The following SPECC1 variants were observed in gnomAD, a reference collection of about 807,000 sequenced individuals.
SPECC1 encodes cytospin-B.
A neutral mutation model predicts 104.1 loss-of-function variants in SPECC1; 62 were observed. The ratio of observed to expected loss-of-function variants is 0.60; its 90% CI spans 0.49 to 0.74. The LOEUF (loss-of-function observed/expected upper bound fraction) is 0.74, where lower values mean the gene tolerates loss of function less well. Among genes scored for constraint, SPECC1 ranks in the 30% least tolerant of loss-of-function variants. SPECC1 has a pLI of 0.00. For synonymous variants in SPECC1, 513 were observed against 501.6 expected (o/e 1.02, Z -0.30); for missense variants, 1,306 against 1,310.5 (o/e 1.00, Z 0.05).
intron 2 of SPECC1, among the ~76,000 whole-genome samples, chr17:20,106,090 A>G (rs2048184174): frequency 6.6e-6 from 1 of 152,192 alleles, no homozygotes; most frequent in African/African-American, 2.4e-5. Flanking sequence ...TCCACCGTGT[A>G]TGGCTTGCGT....
At chr17:20,053,273 C>G (rs560505096) in intron 1 of SPECC1, among the ~76,000 whole-genome samples, 2 of 152,298 alleles carry the variant, frequency 1.3e-5, no homozygotes, top group South Asian at 2.1e-4. Flanking sequence ...CTCCTTAATT[C>G]TGTGATCTTC....
rs138097559 is a variant in SPECC1, at chr17:20,191,216, T to G, written c.284-13117T>G. 5.0e-3 allele frequency among the ~76,000 whole-genome samples: 766 copies of G among 152,276 alleles called. 7 individuals are homozygous for G. Among genetic ancestry groups the G allele is most frequent in the African/African-American group, 0.018 (740 of 41,564 alleles). Reference sequence around the variant, plus strand: ...ATGTGCAGGTTTTTGTGTGGACATATGTTTTTGACTCATTTGGCTAAATAC... The same window carrying G: ...ATGTGCAGGTTTTTGTGTGGACATAGGTTTTTGACTCATTTGGCTAAATAC... On this transcript the variant is annotated intron_variant, in intron 3 of 14. Transcript: ENST00000395527.
At chr17:20,207,552 G>A (rs958378587) in intron 4 of SPECC1, among the ~76,000 whole-genome samples, 4 of 152,100 alleles carry the variant, frequency 2.6e-5, no homozygotes, top group African/African-American at 9.7e-5. Context: ...CATTAAATGT[G>A]CATATCAGTG....
intron 1 of SPECC1, among the ~76,000 whole-genome samples, chr17:20,022,973 C>T (rs2044454109): frequency 6.6e-6 from 1 of 152,158 alleles, no homozygotes; most frequent in South Asian, 2.1e-4. Context: ...AGTAATGATT[C>T]ATTCTTTTCA....
At chr17:20,278,400 G>A (rs967614702) in intron 12 of SPECC1, among the ~76,000 whole-genome samples, 7 of 152,280 alleles carry the variant, frequency 4.6e-5, no homozygotes, top group African/African-American at 9.6e-5. Context: ...TGTGGTGGCC[G>A]GGGGCTGAGA....
At chr17:20,301,823 A>G (rs2041595783) in intron 13 of SPECC1, among the ~76,000 whole-genome samples, 1 of 152,016 alleles carries the variant, frequency 6.6e-6, no homozygotes, top group Admixed American at 6.6e-5. Flanking sequence ...CTCCTGCCTC[A>G]ACCTCTCGAG....
intron 1 of SPECC1, among the ~76,000 whole-genome samples, chr17:20,055,291 A>T (rs748267343): frequency 1.9e-4 from 29 of 151,000 alleles, no homozygotes; most frequent in Non-Finnish European, 3.8e-4. Context: ...GCTGAATAGT[A>T]CTCCATGGTA....
chr17:20,026,384 CTA>C (rs2044600844), intron 1 of SPECC1, among the ~76,000 whole-genome samples: 1 of 152,110 alleles, frequency 6.6e-6, no homozygotes, highest in South Asian at 2.1e-4. Flanking sequence ...TTATTGGTAA[CTA>C]TACTCGCCCT....
chr17:20,196,695 A>G (rs2036058288), intron 3 of SPECC1, among the ~76,000 whole-genome samples: 1 of 149,688 alleles, frequency 6.7e-6, no homozygotes, highest in Non-Finnish European at 1.5e-5. Context: ...ATCTTTCTTT[A>G]TAATCATCTT....
chr17:20,012,377 G>A (rs948069763), intron 1 of SPECC1, among the ~76,000 whole-genome samples: 2 of 151,684 alleles, frequency 1.3e-5, no homozygotes, highest in African/African-American at 4.8e-5. Flanking sequence ...TCTTGTAGGG[G>A]TTTTTGTACT....
chr17:20,309,721 A>G (rs1286776222), intron 14 of SPECC1, among the ~76,000 whole-genome samples: 1 of 152,036 alleles, frequency 6.6e-6, no homozygotes, highest in Non-Finnish European at 1.5e-5. Context: ...GCTGCAAAGG[A>G]CATGATTTTG....
chr17:20,060,285 A>G lies in SPECC1; in HGVS notation c.-21-36346A>G, dbSNP rs2046135347. On this transcript the variant is annotated intron_variant, in intron 1 of 14. Transcript: ENST00000395527. ...ACTTGGTTGGTTTACTAAAGAGACC[A>G]TCAAACTTTGAAAGTGACATGGAAA... Among the ~76,000 whole-genome samples the G allele has an allele frequency of 2.0e-5, 3 of 152,226 alleles. No homozygotes were observed. The South Asian group carries it at 6.2e-4, about 31-fold the overall frequency.
intron 3 of SPECC1, among the ~76,000 whole-genome samples, chr17:20,152,460 T>C (rs2032095811): frequency 7.5e-6 from 1 of 133,694 alleles, no homozygotes. Context: ...TCAGCTGCCA[T>C]AACCAATTGC....
At chr17:20,160,298 A>G (rs754396488) in intron 3 of SPECC1, among the ~76,000 whole-genome samples, 2 of 152,176 alleles carry the variant, frequency 1.3e-5, no homozygotes, top group African/African-American at 2.4e-5. Flanking sequence ...CCTCTTCAGC[A>G]TATGGCTCCC....
chr17:20,053,722 T>G (rs1328346776), intron 1 of SPECC1, among the ~76,000 whole-genome samples: 2 of 152,194 alleles, frequency 1.3e-5, no homozygotes, highest in African/African-American at 2.4e-5. Context: ...TCCTTGGAAG[T>G]GGACCCTCCG....
At chr17:20,292,674 C>G (rs1487844553) in intron 12 of SPECC1, among the ~76,000 whole-genome samples, 1 of 152,134 alleles carries the variant, frequency 6.6e-6, no homozygotes, top group Non-Finnish European at 1.5e-5. Context: ...AGGTAGCTGT[C>G]GAACCCAAAG....
At chr17:20,048,628 C>A (rs1011417050) in intron 1 of SPECC1, among the ~76,000 whole-genome samples, 1 of 152,034 alleles carries the variant, frequency 6.6e-6, no homozygotes, top group African/African-American at 2.4e-5. Context: ...TTCCCAGGGC[C>A]AGGCGCGGTG....
intron 3 of SPECC1, among the ~76,000 whole-genome samples, chr17:20,124,951 TGG>T (rs2049214531): frequency 2.0e-5 from 3 of 151,996 alleles, no homozygotes; most frequent in African/African-American, 7.3e-5. Flanking sequence ...GAGGCCGAGG[TGG>T]GCGGATCACG....
chr17:20,306,198 C>G, intron 14 of SPECC1, 116 bp downstream of exon 14: 1 of 843,256 alleles, frequency 1.2e-6, no homozygotes, highest in African/African-American at 1.7e-5. Context: ...AAGTCTGTTG[C>G]TCTCAATACC....
Sources: gnomAD v4.1 joint callset for allele counts (sites outside exome capture counted in the v4.1 genomes callset) on GRCh38, gnomAD v4.1.1 for gene constraint, MANE v1.5 for transcripts, NCBI Gene and HGNC (gene_info 2026-07-23, HGNC 2026-07-21) for gene names.